PGP: variants seen among roughly 807,000 people sequenced by gnomAD.
The protein encoded by PGP is phosphoglycolate phosphatase.
Under a neutral mutation model 19.3 loss-of-function variants are expected in PGP, and 9 were observed. The ratio of observed to expected loss-of-function variants is 0.47; its 90% confidence interval spans 0.28 to 0.81. The LOEUF is 0.81. Among genes scored for constraint, PGP ranks in the 40% least tolerant of loss-of-function variants. PGP has a pLI of 0.11. For synonymous variants in PGP, 308 were observed against 226.8 expected, an observed-to-expected ratio of 1.36 and a Z score of -3.22; for missense variants, 403 against 479.9, an observed-to-expected ratio of 0.84 and a Z score of 1.50.
In PGP at chr16:2,212,684, C is replaced by A. The variant is rs574086374; in HGVS notation, c.*1044G>T. 28 of 985,498 alleles carry A rather than the reference C, an allele frequency of 2.8e-5. No homozygotes were observed. The South Asian group carries it at 1.0e-3, about 36-fold the overall frequency. 61.0% of individuals were successfully genotyped at this position (985,498 alleles called of 1,614,324 possible). A position where few individuals can be genotyped will look rare whatever the true frequency, so the allele number is the denominator to read the frequency against. On this transcript the variant is annotated 3_prime_UTR_variant, in exon 2 of 2. Transcript: ENST00000333503. ...TGTTCTTGGGGACATAACTCTCGTC[C>A]CCTCCCAGAGCCCTGGATGACTGAC...
Position 2,214,277 on chromosome 16 carries a change from C to G in PGP, c.501G>C (p.Ala167=). 9.5e-6 allele frequency: 15 copies of G among 1,573,038 alleles called. No individual in the cohort carries two copies. The highest frequency in any genetic ancestry group is 1.3e-5 in the Non-Finnish European group (15 of 1,168,188). ...LHAPLEPDVR[A]VVVGFDPHFS... ...AGTGCGGGTCAAAGCCCACCACCAC[C>G]GCGCGCACGTCGGGCTCCAGCGGCG... The change falls in exon 1 of 2, where the codon GCG becomes GCC. Residue 167 remains alanine, a synonymous_variant. Transcript: ENST00000333503. This position sits in a 1 kb window ranked among gnomAD's most constrained non-coding sequence, Gnocchi z 7.1.
Position 2,213,137 on chromosome 16 carries a change from A to G in PGP, c.*591T>C, listed in dbSNP as rs1204816868. On this transcript the variant is annotated 3_prime_UTR_variant, in exon 2 of 2. Coordinates refer to ENST00000333503, the MANE Select transcript of PGP (RefSeq NM_001042371.3). Reference sequence around the variant, plus strand: ...AGTTGTGACATCAGAGTGGTTTTCAAGGAAGTAAGGGAGGTGGGAGAGTGG... The same window carrying G: ...AGTTGTGACATCAGAGTGGTTTTCAGGGAAGTAAGGGAGGTGGGAGAGTGG... The G allele has an allele frequency of 2.6e-5, 26 of 985,402 alleles. No individual in the cohort carries two copies. Among genetic ancestry groups the G allele is most frequent in the Non-Finnish European group, 3.1e-5 (26 of 829,946 alleles). 61.0% of individuals were successfully genotyped at this position (985,402 alleles called of 1,614,324 possible). A position where few individuals can be genotyped will look rare whatever the true frequency, so the allele number is the denominator to read the frequency against.
chr16:2,214,631 C>A lies in PGP; in HGVS notation c.147G>T (p.Ala49=), dbSNP rs2093383355. The A allele has an allele frequency of 6.9e-7, 1 of 1,447,794 alleles. No homozygotes were observed. The highest frequency in any genetic ancestry group is 9.1e-7 in the Non-Finnish European group (1 of 1,103,068). The allele number at this position is 1,447,794 out of a possible 1,614,324, so 89.7% of individuals were successfully genotyped here. Residue 49 remains alanine (A), a synonymous_variant, in exon 1 of 2, where the codon GCG becomes GCT. Transcript: ENST00000333503. The surrounding 1 kb of genome is among the most constrained non-coding windows in gnomAD (Gnocchi z 7.1). ...LWRGETAVPG[A]PEALRALRAR... ...CTCGCAGCGCCCGCAGGGCCTCGGG[C>A]GCGCCAGGCACGGCGGTCTCCCCGC...
Position 2,213,654 on chromosome 16 carries a change from G to T in PGP, c.*74C>A, listed in dbSNP as rs573577990. 6.5e-6 allele frequency: 9 copies of T among 1,381,608 alleles called. No individual in the cohort carries two copies. The East Asian group carries it at 1.9e-4, about 30-fold the overall frequency. The allele number at this position is 1,381,608 out of a possible 1,614,324, so 85.6% of individuals were successfully genotyped here. A position where few individuals can be genotyped will look rare whatever the true frequency, so the allele number is the denominator to read the frequency against. On this transcript the variant is annotated 3_prime_UTR_variant, in exon 2 of 2. Coordinates refer to ENST00000333503, the MANE Select transcript of PGP (RefSeq NM_001042371.3). Reference sequence around the variant, plus strand: ...GCCACTTAGCCGAGCAGATGCTTAAGCCCCACCTATTAATTTGGGTAACTG... The same window carrying T: ...GCCACTTAGCCGAGCAGATGCTTAATCCCCACCTATTAATTTGGGTAACTG...
At position 2,213,771 on chromosome 16, in the gene PGP, T is replaced by C. The variant is rs765031306; in HGVS notation, c.923A>G (p.Tyr308Cys). 5 of 1,586,054 alleles carry C rather than the reference T, an allele frequency of 3.2e-6. No homozygotes were observed. In the African/African-American group the frequency reaches 5.4e-5, roughly 17 times the overall value. ...CAAAAGGTCGGCTATGCTGTCAACA[T>C]AGAAGTCAGGGACCATTTTCTTCTT... ...VSKKKMVPDF[Y>C]VDSIADLLPA... The change falls in exon 2 of 2, where the codon TAT (tyrosine) becomes TGT (cysteine). Residue 308 changes from tyrosine (Y) to cysteine (C), a missense_variant. Tyr to Cys is a radical substitution (Grantham distance 194). Coordinates refer to ENST00000333503, the MANE Select transcript of PGP (RefSeq NM_001042371.3).
In PGP at chr16:2,213,075, G is replaced by A; in HGVS notation, c.*653C>T. On this transcript the variant is annotated 3_prime_UTR_variant, in exon 2 of 2. Transcript: ENST00000333503. The stretch of plus-strand genomic sequence containing the variant: ...AGCTGGGCTGCGTTTACAGAACTGG[G>A]CAGCAGCCCTGGGTATCTGAAACGG... 3 of 985,512 alleles carry A rather than the reference G, an allele frequency of 3.0e-6. No homozygotes were observed. Among genetic ancestry groups the A allele is most frequent in the Non-Finnish European group, 3.6e-6 (3 of 829,942 alleles). The allele number at this position is 985,512 out of a possible 1,614,324, so 61.0% of individuals were successfully genotyped here. A position where few individuals can be genotyped will look rare whatever the true frequency, so the allele number is the denominator to read the frequency against.
Position 2,211,736 on chromosome 16 carries a change from C to T in PGP, c.*1992G>A. 1 of 985,526 alleles carries T rather than the reference C, an allele frequency of 1.0e-6. No individual in the cohort carries two copies. Among genetic ancestry groups the T allele is most frequent in the Non-Finnish European group, 1.2e-6 (1 of 829,992 alleles). The allele number at this position is 985,526 out of a possible 1,614,324, so 61.0% of individuals were successfully genotyped here. ...CCCGGGCCAGCATTACTTCTGAGCT[C>T]TGCTCCCTGCCCTGGGCGCTCTGAC... is the stretch of plus-strand genomic sequence containing the variant. On this transcript the variant is annotated 3_prime_UTR_variant, in exon 2 of 2. Coordinates refer to ENST00000333503, the MANE Select transcript of PGP (RefSeq NM_001042371.3).
In PGP at chr16:2,212,571, G is replaced by C. The variant is rs1280742640; in HGVS notation, c.*1157C>G. ...AGAGGGAATCCAGGGCAAGGCAGGT[G>C]ACCTCCTGGGCCACCAGTCTCTAAC... is the stretch of plus-strand genomic sequence containing the variant. On this transcript the variant is annotated 3_prime_UTR_variant, in exon 2 of 2. Coordinates refer to ENST00000333503, the MANE Select transcript of PGP (RefSeq NM_001042371.3). The C allele has an allele frequency of 1.0e-6, 1 of 985,388 alleles. No individual in the cohort carries two copies. Among genetic ancestry groups the C allele is most frequent in the African/African-American group, 1.7e-5 (1 of 57,258 alleles). 61.0% of individuals were successfully genotyped at this position (985,388 alleles called of 1,614,324 possible). A position where few individuals can be genotyped will look rare whatever the true frequency, so the allele number is the denominator to read the frequency against.
rs2093382858 is a variant in PGP, at chr16:2,214,409, C to A, written c.369G>T (p.Val123=). ...CCGCGGCCAGGGCTGGGCTGCCCAGCACGTAGGCCTTGGGCGCGGGGGCGC... is the reference window on the plus strand; with the variant it reads ...CCGCGGCCAGGGCTGGGCTGCCCAGAACGTAGGCCTTGGGCGCGGGGGCGC... ...LAGAPAPKAY[V]LGSPALAAEL... The change falls in exon 1 of 2, where the codon GTG becomes GTT. Residue 123 remains valine (V), a synonymous_variant. Transcript: ENST00000333503. This position sits in a 1 kb window ranked among gnomAD's most constrained non-coding sequence, Gnocchi z 7.1. 1.5e-6 allele frequency: 2 copies of A among 1,360,706 alleles called. No individual in the cohort carries two copies. Among genetic ancestry groups the A allele is most frequent in the African/African-American group, 3.1e-5 (2 of 64,824 alleles). The allele number at this position is 1,360,706 out of a possible 1,614,324, so 84.3% of individuals were successfully genotyped here.
chr16:2,214,337 T>C lies in PGP; in HGVS notation c.441A>G (p.Pro147=). ...GVASVGVGPE[P]LQGEGPGDWL... ...AGTCGCCGGGACCCTCGCCCTGCAG[T>C]GGCTCGGGCCCCACGCCCACGCTGG... Residue 147 remains proline, a synonymous_variant, in exon 1 of 2, where the codon CCA becomes CCG. Transcript: ENST00000333503. This position sits in a 1 kb window ranked among gnomAD's most constrained non-coding sequence, Gnocchi z 7.1. The C allele has an allele frequency of 6.5e-7, 1 of 1,529,430 alleles. No individual in the cohort carries two copies. Among genetic ancestry groups the C allele is most frequent in the Non-Finnish European group, 8.7e-7 (1 of 1,144,400 alleles). 94.7% of individuals were successfully genotyped at this position (1,529,430 alleles called of 1,614,324 possible). A position where few individuals can be genotyped will look rare whatever the true frequency, so the allele number is the denominator to read the frequency against.
rs140997261 is a variant in PGP at position 2,212,635 on chromosome 16, C to T, written c.*1093G>A. 2.5e-4 allele frequency: 245 copies of T among 985,508 alleles called. No homozygotes were observed. The African/African-American group carries it at 4.0e-3, about 16-fold the overall frequency. 61.0% of individuals were successfully genotyped at this position (985,508 alleles called of 1,614,324 possible). A position where few individuals can be genotyped will look rare whatever the true frequency, so the allele number is the denominator to read the frequency against. ...TAGGGAAGGGGAGGACAGGAAGAGA[C>T]TGGATGCTTTGTAAAGGACTTCCTG... is the stretch of plus-strand genomic sequence containing the variant. On this transcript the variant is annotated 3_prime_UTR_variant, in exon 2 of 2. Transcript: ENST00000333503.
At position 2,213,582 on chromosome 16, in the gene PGP, A is replaced by G. The variant is rs1327906278; in HGVS notation, c.*146T>C. ...ATCGTCCCCCAAACGTGTACTTACA[A>G]GGTTAACAATGAATGCCTTTGCTTA... On this transcript the variant is annotated 3_prime_UTR_variant, in exon 2 of 2. Transcript: ENST00000333503. 4 of 788,976 alleles carry G rather than the reference A, an allele frequency of 5.1e-6. No homozygotes were observed. In the Admixed American group the frequency reaches 1.1e-4, roughly 21 times the overall value. 48.9% of individuals were successfully genotyped at this position (788,976 alleles called of 1,614,324 possible). A position where few individuals can be genotyped will look rare whatever the true frequency, so the allele number is the denominator to read the frequency against.
chr16:2,213,318 C>G lies in PGP; in HGVS notation c.*410G>C. 1 of 988,990 alleles carries G rather than the reference C, an allele frequency of 1.0e-6. No homozygotes were observed. The highest frequency in any genetic ancestry group is 1.2e-6 in the Non-Finnish European group (1 of 832,164). The allele number at this position is 988,990 out of a possible 1,614,324, so 61.3% of individuals were successfully genotyped here. On this transcript the variant is annotated 3_prime_UTR_variant, in exon 2 of 2. Transcript: ENST00000333503. ...TCTGGTCCATGCAAGCCTCTCCCAA[C>G]AGTCAGAATAATCAGTCCCTCTGCC... is the stretch of plus-strand genomic sequence containing the variant.
Position 2,214,614 on chromosome 16 carries a change from G to C in PGP, c.164C>G (p.Ala55Gly), listed in dbSNP as rs1427346630. 6.9e-7 allele frequency: 1 copy of C among 1,454,806 alleles called. No homozygotes were observed. The highest frequency in any genetic ancestry group is 1.5e-5 in the African/African-American group (1 of 67,518). 90.1% of individuals were successfully genotyped at this position (1,454,806 alleles called of 1,614,324 possible). The change falls in exon 1 of 2, where the codon GCG becomes GGG. Residue 55 changes from alanine (A) to glycine (G), a missense_variant. Physicochemically the swap from Ala to Gly is moderately conservative, Grantham distance 60. Coordinates refer to ENST00000333503, the MANE Select transcript of PGP (RefSeq NM_001042371.3). The surrounding 1 kb of genome is among the most constrained non-coding windows in gnomAD (Gnocchi z 7.1). ...AVPGAPEALR[A>G]LRARGKRLGF... ...CAGGCGCTTGCCGCGGGCTCGCAGC[G>C]CCCGCAGGGCCTCGGGCGCGCCAGG...
rs1319329951 is a variant in PGP, at chr16:2,214,192, C to T, written c.586G>A (p.Val196Met). The change falls in exon 1 of 2, where the codon GTG becomes ATG. Residue 196 changes from valine to methionine, a missense_variant. Coordinates refer to ENST00000333503, the MANE Select transcript of PGP (RefSeq NM_001042371.3). The surrounding 1 kb of genome is among the most constrained non-coding windows in gnomAD (Gnocchi z 7.1). ...RYLQQPGCLL[V>M]GTNMDNRLPL... The stretch of plus-strand genomic sequence containing the variant: ...AGCCGGTTGTCCATGTTGGTGCCCA[C>T]GAGCAGGCAGCCGGGCTGCTGCAGG... 6.3e-7 allele frequency: 1 copy of T among 1,596,042 alleles called. No individual in the cohort carries two copies.
rs1400388745 is a variant in PGP, at chr16:2,212,583, C to T, written c.*1145G>A. ...GGGCAAGGCAGGTGACCTCCTGGGC[C>T]ACCAGTCTCTAACCCCTACCCCAGC... is the stretch of plus-strand genomic sequence containing the variant. On this transcript the variant is annotated 3_prime_UTR_variant, in exon 2 of 2. Transcript: ENST00000333503. The T allele has an allele frequency of 1.0e-6, 1 of 985,356 alleles. No homozygotes were observed. Among genetic ancestry groups the T allele is most frequent in the Non-Finnish European group, 1.2e-6 (1 of 829,940 alleles). The allele number at this position is 985,356 out of a possible 1,614,324, so 61.0% of individuals were successfully genotyped here.
Position 2,211,826 on chromosome 16 carries a change from T to C in PGP, c.*1902A>G. 1 of 985,578 alleles carries C rather than the reference T, an allele frequency of 1.0e-6. No individual in the cohort carries two copies. Among genetic ancestry groups the C allele is most frequent in the Non-Finnish European group, 1.2e-6 (1 of 830,018 alleles). The allele number at this position is 985,578 out of a possible 1,614,324, so 61.1% of individuals were successfully genotyped here. ...CCTGGCTTCCCTTTGTGCCTGGCTT[T>C]CCCTCATTCTTCAAAACATCTTCCT... is the stretch of plus-strand genomic sequence containing the variant. On this transcript the variant is annotated 3_prime_UTR_variant, in exon 2 of 2. Transcript: ENST00000333503.
Position 2,213,639 on chromosome 16 carries a change from C to G in PGP, c.*89G>C. On this transcript the variant is annotated 3_prime_UTR_variant, in exon 2 of 2. Coordinates refer to ENST00000333503, the MANE Select transcript of PGP (RefSeq NM_001042371.3). ...ATTACACTCTTTGAAGCCACTTAGCCGAGCAGATGCTTAAGCCCCACCTAT... is the reference window on the plus strand; with the variant it reads ...ATTACACTCTTTGAAGCCACTTAGCGGAGCAGATGCTTAAGCCCCACCTAT... 7.8e-7 allele frequency: 1 copy of G among 1,279,286 alleles called. No individual in the cohort carries two copies. Among genetic ancestry groups the G allele is most frequent in the Non-Finnish European group, 1.1e-6 (1 of 949,298 alleles). 79.2% of individuals were successfully genotyped at this position (1,279,286 alleles called of 1,614,324 possible). A position where few individuals can be genotyped will look rare whatever the true frequency, so the allele number is the denominator to read the frequency against.
chr16:2,211,717 C>T lies in PGP; in HGVS notation c.*2011G>A, dbSNP rs1244750689. On this transcript the variant is annotated 3_prime_UTR_variant, in exon 2 of 2. Coordinates refer to ENST00000333503, the MANE Select transcript of PGP (RefSeq NM_001042371.3). ...ACGGGTGTGAGCCACTGCGCCCGGG[C>T]CAGCATTACTTCTGAGCTCTGCTCC... is the stretch of plus-strand genomic sequence containing the variant. The T allele has an allele frequency of 1.0e-6, 1 of 985,514 alleles. No homozygotes were observed. Among genetic ancestry groups the T allele is most frequent in the Non-Finnish European group, 1.2e-6 (1 of 829,982 alleles). 61.0% of individuals were successfully genotyped at this position (985,514 alleles called of 1,614,324 possible).
Sources: allele counts gnomAD v4.1 joint callset, GRCh38; gene constraint gnomAD v4.1.1; non-coding constraint Gnocchi (gnomAD v3.1); transcripts MANE v1.5; gene names NCBI Gene and HGNC (gene_info 2026-07-23, HGNC 2026-07-21).